The following CLEC17A variants were observed in gnomAD, a reference collection of about 807,000 sequenced individuals.
CLEC17A encodes the protein C-type lectin domain family 17, member A.
CLEC17A carries 37 observed loss-of-function variants against 61.3 expected under a neutral mutation model. That is an observed-to-expected ratio of 0.60 (90% CI 0.46 to 0.79). The LOEUF is 0.79. Among genes scored for constraint, CLEC17A ranks in the 30% least tolerant of loss-of-function variants. The probability of loss-of-function intolerance (pLI) is 0.00; values close to 1 mark genes in which losing one functional copy is unlikely to be tolerated. For missense variants in CLEC17A, 418 were observed against 464.7 expected, an observed-to-expected ratio of 0.90 and a Z score of 0.92; for synonymous variants, 168 against 164.9, an observed-to-expected ratio of 1.02 and a Z score of -0.14.
chr19:14,597,308 C>T lies in CLEC17A; in HGVS notation c.646+147C>T, dbSNP rs988393297. On this transcript the variant is annotated intron_variant, in intron 10 of 13. Transcript: ENST00000417570. ...GTTAAAATGGTAAACATGTCAGACA[C>T]AGTCTTTGTCTGACTGTGTGAAGTG... 1.7e-5 allele frequency: 12 copies of T among 720,986 alleles called. No individual in the cohort carries two copies. In the African/African-American group the frequency reaches 1.9e-4, roughly 12 times the overall value. 44.7% of individuals were successfully genotyped at this position (720,986 alleles called of 1,614,324 possible). A position where few individuals can be genotyped will look rare whatever the true frequency, so the allele number is the denominator to read the frequency against.
chr19:14,584,783 G>A (rs1267973569), intron 2 of CLEC17A, among the ~76,000 whole-genome samples: 3 of 151,808 alleles, frequency 2.0e-5, no homozygotes, highest in Non-Finnish European at 2.9e-5. Flanking sequence ...CAAAAGCACA[G>A]TCCTGTCCCC....
At chr19:14,582,045 C>G (rs2074188128), upstream of CLEC17A, among the ~76,000 whole-genome samples, 1 of 152,208 alleles carries the variant, frequency 6.6e-6, no homozygotes, top group African/African-American at 2.4e-5. Context: ...CTTTAAGAGG[C>G]TGCAGCGTGA....
At chr19:14,607,421 T>C (rs1050877092) in intron 13 of CLEC17A, among the ~76,000 whole-genome samples, 1 of 151,656 alleles carries the variant, frequency 6.6e-6, no homozygotes, top group Non-Finnish European at 1.5e-5. Context: ...GCCAGGATGG[T>C]CTTGATCTCC....
At position 14,596,959 on chromosome 19, in the gene CLEC17A, G is replaced by T. The variant is rs1171326452; in HGVS notation, c.529G>T (p.Val177Leu). The change falls in exon 9 of 14, where the codon GTG (valine) becomes TTG (leucine). Residue 177 changes from valine (V) to leucine (L), a missense_variant. Transcript: ENST00000417570. ...KRWMVYLCLLVVTSLFLGCLG... is the reference protein window; with the variant it reads ...KRWMVYLCLLLVTSLFLGCLG... Reference sequence around the variant, plus strand: ...GTGGATGGTGTACCTGTGTCTGCTGGTGGTGACTTCCCTGTTCCTGGGCTG... The same window carrying T: ...GTGGATGGTGTACCTGTGTCTGCTGTTGGTGACTTCCCTGTTCCTGGGCTG... 6.2e-7 allele frequency: 1 copy of T among 1,608,854 alleles called. No individual in the cohort carries two copies. The highest frequency in any genetic ancestry group is 8.5e-7 in the Non-Finnish European group (1 of 1,177,670).
rs145062320 is a variant in CLEC17A at position 14,598,396 on chromosome 19, C to CTCCT, written c.646+1253_646+1256dup. 2.4e-3 allele frequency among the ~76,000 whole-genome samples: 356 copies of CTCCT among 147,036 alleles called. 1 individual carries two copies. The highest frequency in any genetic ancestry group is 8.3e-3 in the African/African-American group (329 of 39,698). ...CTTCCTTCCTTCCTTCCCTTCCCTT[C>CTCCT]TCCTTCCTTCCTTCCTTCCTTTCTT... On this transcript the variant is annotated intron_variant, in intron 10 of 13. Coordinates refer to ENST00000417570, the MANE Select transcript of CLEC17A (RefSeq NM_001204118.2).
chr19:14,596,799 G>C lies in CLEC17A; in HGVS notation c.446-77G>C, dbSNP rs117609671. ...TACAGACTTCTGCCCCCTGCTCTTG[G>C]ACAAAGACTTAAGAGTCTCTTCCTT... On this transcript the variant is annotated intron_variant, in intron 8 of 13. Coordinates refer to ENST00000417570, the MANE Select transcript of CLEC17A (RefSeq NM_001204118.2). 206 of 1,516,282 alleles carry C rather than the reference G, an allele frequency of 1.4e-4. No homozygotes were observed. In the East Asian group the frequency reaches 3.1e-3, roughly 23 times the overall value. 93.9% of individuals were successfully genotyped at this position (1,516,282 alleles called of 1,614,324 possible). A position where few individuals can be genotyped will look rare whatever the true frequency, so the allele number is the denominator to read the frequency against.
chr19:14,586,840 C>A (rs530505050), intron 2 of CLEC17A, among the ~76,000 whole-genome samples: 1 of 151,166 alleles, frequency 6.6e-6, no homozygotes, highest in Admixed American at 6.6e-5. Context: ...CAACTGGGAG[C>A]GGGGAGGTGG....
intron 2 of CLEC17A, among the ~76,000 whole-genome samples, chr19:14,585,003 C>A (rs1307022267): frequency 6.6e-6 from 1 of 151,424 alleles, no homozygotes; most frequent in Admixed American, 6.6e-5. Flanking sequence ...CTAATCCAAA[C>A]CCCACCTCAT....
chr19:14,591,634 A>G (rs955007701), intron 3 of CLEC17A, among the ~76,000 whole-genome samples: 2 of 146,742 alleles, frequency 1.4e-5, no homozygotes, highest in African/African-American at 5.1e-5. Context: ...GCTCACTGCA[A>G]CCTCCACCTC....
intron 3 of CLEC17A, chr19:14,588,740 C>G (rs1476723048): frequency 6.6e-6 from 1 of 152,036 alleles, no homozygotes; most frequent in Admixed American, 6.6e-5. Context: ...CATGAGAGAT[C>G]CTGGGGGCCC....
intron 3 of CLEC17A, among the ~76,000 whole-genome samples, chr19:14,589,203 C>G (rs978989377): frequency 6.2e-5 from 9 of 145,786 alleles, no homozygotes; most frequent in Admixed American, 3.3e-4. Context: ...CACATCCATC[C>G]CTGTCCCCAA....
rs189361153 is a variant in CLEC17A at position 14,606,548 on chromosome 19, C to T, written c.895-445C>T. On this transcript the variant is annotated intron_variant, in intron 12 of 13. Transcript: ENST00000417570. The stretch of plus-strand genomic sequence containing the variant: ...TACAAAAATTAGCCGGGCGTGGTGG[C>T]GGGTAGCTATAATCCCAGCTACTCG... 5.9e-5 allele frequency among the ~76,000 whole-genome samples: 9 copies of T among 151,778 alleles called. No homozygotes were observed. In the East Asian group the frequency reaches 1.6e-3, roughly 26 times the overall value.
At chr19:14,583,521 TC>T in intron 2 of CLEC17A, 87 bp downstream of exon 2, 1 of 1,578,462 alleles carries the variant, frequency 6.3e-7, no homozygotes, top group Non-Finnish European at 8.6e-7. Context: ...AGACACATAG[TC>T]AGTCTCCTCT....
Position 14,599,812 on chromosome 19 carries a change from GGTAA to G in CLEC17A, c.742+3_742+6del. 1.2e-6 allele frequency: 2 copies of G among 1,612,326 alleles called. No homozygotes were observed. Among genetic ancestry groups the G allele is most frequent in the Non-Finnish European group, 1.7e-6 (2 of 1,178,734 alleles). ...CCTGGTGGAACTTTGGGGCTTATTA[GGTAA>G]GTGAGACTTGGGGAATTGCCCAGGG... On this transcript the variant is annotated splice_donor_variant and splice_donor_region_variant and intron_variant, in intron 11 of 13. Transcript: ENST00000417570. LOFTEE classifies it high-confidence loss of function.
At chr19:14,588,723 C>G (rs2074348056) in intron 3 of CLEC17A, 1 of 152,046 alleles carries the variant, frequency 6.6e-6, no homozygotes, top group African/African-American at 2.4e-5. Context: ...ACCAGGGACC[C>G]TGAGGCCATG....
At chr19:14,608,546 T>G (rs1337497469) in intron 13 of CLEC17A, among the ~76,000 whole-genome samples, 8 of 152,094 alleles carry the variant, frequency 5.3e-5, no homozygotes. Flanking sequence ...CATCTCAGTC[T>G]TTTCGTAAAA....
upstream of CLEC17A, among the ~76,000 whole-genome samples, chr19:14,582,795 A>G (rs2074197855): frequency 6.6e-6 from 1 of 151,650 alleles, no homozygotes; most frequent in Admixed American, 6.6e-5. Flanking sequence ...TTTAGTAGAG[A>G]CTGGGTTTCA....
chr19:14,596,178 G>A (rs2074547643), intron 8 of CLEC17A, among the ~76,000 whole-genome samples: 1 of 151,966 alleles, frequency 6.6e-6, no homozygotes, highest in Non-Finnish European at 1.5e-5. Flanking sequence ...GAGCAACTTG[G>A]TCAGGGGTTT....
At chr19:14,591,303 C>G (rs186397565) in intron 3 of CLEC17A, among the ~76,000 whole-genome samples, 1 of 151,156 alleles carries the variant, frequency 6.6e-6, no homozygotes, top group Non-Finnish European at 1.5e-5. Context: ...CACAGGCGCC[C>G]GCCACCACGC....
Sources: gnomAD v4.1 joint callset for allele counts (sites outside exome capture counted in the v4.1 genomes callset) on GRCh38, gnomAD v4.1.1 for gene constraint, MANE v1.5 for transcripts, NCBI Gene and HGNC (gene_info 2026-07-23, HGNC 2026-07-21) for gene names.